Variants in MTCH2 observed in about 807,000 individuals in gnomAD.
MTCH2 encodes mitochondrial carrier 2.
A neutral mutation model predicts 50.6 loss-of-function variants in MTCH2; 25 were observed. The observed-to-expected ratio is 0.49, with a 90% CI of 0.36 to 0.69. The LOEUF (loss-of-function observed/expected upper bound fraction) is 0.69, where lower values mean the gene tolerates loss of function less well. Ranked by LOEUF, MTCH2 falls within the 30% of genes least tolerant of loss-of-function variation. The probability of loss-of-function intolerance (pLI) is 0.00; values close to 1 mark genes in which losing one functional copy is unlikely to be tolerated. For synonymous variants in MTCH2, 106 were observed against 132.0 expected (o/e 0.80, Z 1.35); for missense variants, 273 against 384.4 (o/e 0.71, Z 2.42).
chr11:47,615,290 A>G (rs1284850447), downstream of MTCH2, among the ~76,000 whole-genome samples: 1 of 152,186 alleles, frequency 6.6e-6, no homozygotes, highest in Non-Finnish European at 1.5e-5. Context: ...GACTAAATAT[A>G]TATTTTTCCC....
chr11:47,607,849 G>A, the MTCH2 span, among the ~76,000 whole-genome samples: 2 of 152,164 alleles, frequency 1.3e-5, no homozygotes, highest in African/African-American at 4.8e-5. Flanking sequence ...TTTGAGTTGG[G>A]CTTCTGGGCA....
At chr11:47,635,506 G>A (rs773456508) in intron 4 of MTCH2, 39 bp downstream of exon 4, 2 of 1,607,718 alleles carry the variant, frequency 1.2e-6, no homozygotes, top group East Asian at 4.5e-5. Context: ...CAACTTGCAA[G>A]GGAAAGGCCC....
chr11:47,633,854 G>T (rs1041787746), intron 5 of MTCH2, among the ~76,000 whole-genome samples: 4 of 151,534 alleles, frequency 2.6e-5, no homozygotes, highest in Non-Finnish European at 4.4e-5. Flanking sequence ...TATGTATTTT[G>T]GATGGCTGCA....
At chr11:47,630,025 TATTA>T (rs201093267) in intron 8 of MTCH2, among the ~76,000 whole-genome samples, 5,455 of 152,204 alleles carry the variant, frequency 0.036, 101 homozygotes, top group Middle Eastern at 0.065. Flanking sequence ...CTTATTTATT[TATTA>T]ATTATTATTA....
At chr11:47,622,110 C>T (rs2097293855) in intron 12 of MTCH2, among the ~76,000 whole-genome samples, 1 of 152,036 alleles carries the variant, frequency 6.6e-6, no homozygotes, top group African/African-American at 2.4e-5. Flanking sequence ...GCAATTTGCC[C>T]ACCTAGACCT....
At chr11:47,627,367 G>A (rs536400034) in intron 9 of MTCH2, among the ~76,000 whole-genome samples, 2 of 151,698 alleles carry the variant, frequency 1.3e-5, no homozygotes, top group South Asian at 4.2e-4. Context: ...GTTTGCCCAG[G>A]CTGGTCTCAA....
intron 3 of MTCH2, among the ~76,000 whole-genome samples, chr11:47,637,250 A>C (rs2097309600): frequency 1.3e-5 from 2 of 152,174 alleles, no homozygotes; most frequent in Non-Finnish European, 2.9e-5. Flanking sequence ...TCAGCCTCCC[A>C]AAGTGCTGGG....
chr11:47,612,424 C>T (rs976611978), downstream of MTCH2, among the ~76,000 whole-genome samples: 3 of 152,188 alleles, frequency 2.0e-5, no homozygotes, highest in African/African-American at 4.8e-5. Flanking sequence ...AAAAATTAGC[C>T]GGGCGTGGTG....
downstream of MTCH2, among the ~76,000 whole-genome samples, chr11:47,614,469 CTTTT>C (rs1012676544): frequency 6.6e-6 from 1 of 152,110 alleles, no homozygotes; most frequent in African/African-American, 2.4e-5. Flanking sequence ...GCTAGTTTTT[CTTTT>C]TTCTTTTTTT....
At chr11:47,637,110 C>T (rs980787824) in intron 3 of MTCH2, among the ~76,000 whole-genome samples, 2 of 152,030 alleles carry the variant, frequency 1.3e-5, no homozygotes, top group Non-Finnish European at 2.9e-5. Context: ...CTGCCTCAGC[C>T]TCCTGAGTAG....
At chr11:47,620,400 T>A (rs1485689178) in intron 12 of MTCH2, among the ~76,000 whole-genome samples, 1 of 151,716 alleles carries the variant, frequency 6.6e-6, no homozygotes, top group African/African-American at 2.4e-5. Flanking sequence ...GCCAGAGACC[T>A]CAGCCAGGAG....
rs765784558 is a variant in MTCH2 at position 47,618,330 on chromosome 11, A to G, written c.*503T>C. 1 of 184,686 alleles carries G rather than the reference A, an allele frequency of 5.4e-6. No homozygotes were observed. The highest frequency in any genetic ancestry group is 1.1e-5 in the Non-Finnish European group (1 of 90,948). The allele number at this position is 184,686 out of a possible 1,614,324, so 11.4% of individuals were successfully genotyped here. On this transcript the variant is annotated 3_prime_UTR_variant, in exon 13 of 13. Coordinates refer to ENST00000302503, the MANE Select transcript of MTCH2 (RefSeq NM_014342.4). ...GTCCTTTTCTTGAAGTATGAGAGACAAGGTCAATGAAATGTGCTTAGAAGC... is the reference window on the plus strand; with the variant it reads ...GTCCTTTTCTTGAAGTATGAGAGACGAGGTCAATGAAATGTGCTTAGAAGC...
At position 47,638,790 on chromosome 11, in the gene MTCH2, C is replaced by A. The variant is rs949904225; in HGVS notation, c.188G>T (p.Ser63Ile). 1.2e-6 allele frequency: 2 copies of A among 1,614,196 alleles called. No homozygotes were observed. The highest frequency in any genetic ancestry group is 1.3e-5 in the African/African-American group (1 of 75,076). Reference sequence around the variant, plus strand: ...GAACAACCCGCGCCTCCCATCGATACTGGCAATGTGCTGAGCTAAGAACAC... The same window carrying A: ...GAACAACCCGCGCCTCCCATCGATAATGGCAATGTGCTGAGCTAAGAACAC... ...GLFSYAQHIA[S>I]IDGRRGLFTG... The change falls in exon 3 of 13, where the codon AGT becomes ATT. Residue 63 changes from serine to isoleucine, a missense_variant. Ser to Ile is a moderately radical substitution (Grantham distance 142). Transcript: ENST00000302503.
At chr11:47,615,135 T>G (rs1025710973), downstream of MTCH2, among the ~76,000 whole-genome samples, 1 of 129,596 alleles carries the variant, frequency 7.7e-6, no homozygotes, top group African/African-American at 2.9e-5. Flanking sequence ...CTCCCAGGAC[T>G]CAACCAGTCG....
At chr11:47,623,174 C>T (rs756864491) in intron 11 of MTCH2, among the ~76,000 whole-genome samples, 1 of 151,618 alleles carries the variant, frequency 6.6e-6, no homozygotes. Flanking sequence ...AGTTCAAGAC[C>T]AGCCTGGCCA....
At chr11:47,620,235 C>A (rs1326507995) in intron 12 of MTCH2, among the ~76,000 whole-genome samples, 1 of 151,890 alleles carries the variant, frequency 6.6e-6, no homozygotes. Context: ...ATGTAACAAA[C>A]CTGCACGTTG....
At chr11:47,609,649 AAAGAAAAGAG>A in the MTCH2 span, among the ~76,000 whole-genome samples, 1 of 144,700 alleles carries the variant, frequency 6.9e-6, no homozygotes, top group African/African-American at 2.6e-5. Flanking sequence ...AAAAAAAAAA[AAAGAAAAGAG>A]AAGAAAAGAA....
chr11:47,609,141 A>AG, the MTCH2 span, among the ~76,000 whole-genome samples: 24 of 26,188 alleles, frequency 9.2e-4, no homozygotes, highest in African/African-American at 3.5e-3. Context: ...AAAAAAAAAA[A>AG]AAAAAGAAAA....
intron 10 of MTCH2, among the ~76,000 whole-genome samples, chr11:47,625,958 G>T (rs1177540250): frequency 2.0e-5 from 3 of 151,568 alleles, no homozygotes; most frequent in Non-Finnish European, 4.4e-5. Flanking sequence ...AAGGCCAGAA[G>T]AATTCTCTGA....
Sources: gnomAD v4.1 joint callset for allele counts (sites outside exome capture counted in the v4.1 genomes callset) on GRCh38, gnomAD v4.1.1 for gene constraint, MANE v1.5 for transcripts, NCBI Gene and HGNC (gene_info 2026-07-23, HGNC 2026-07-21) for gene names.